ADGRB3: variants seen among roughly 807,000 people sequenced by gnomAD.
ADGRB3 encodes adhesion G protein-coupled receptor B3, also known as brain-specific angiogenesis inhibitor 3.
ADGRB3 carries 37 observed loss-of-function variants against 193.4 expected under a neutral mutation model. The ratio of observed to expected loss-of-function variants is 0.19; its 90% confidence interval spans 0.15 to 0.25. ADGRB3 has a LOEUF of 0.25. Ranked by LOEUF, ADGRB3 falls within the 10% of genes least tolerant of loss-of-function variation. The probability of loss-of-function intolerance (pLI) is 1.00; values close to 1 mark genes in which losing one functional copy is unlikely to be tolerated. For synonymous variants in ADGRB3, 690 were observed against 644.2 expected, an observed-to-expected ratio of 1.07 and a Z score of -1.08; for missense variants, 1,637 against 1,852.9, an observed-to-expected ratio of 0.88 and a Z score of 2.14.
chr6:69,343,372 C>T (rs1485776231), intron 26 of ADGRB3, among the ~76,000 whole-genome samples: 1 of 137,630 alleles, frequency 7.3e-6, no homozygotes, highest in Non-Finnish European at 1.5e-5. Context: ...GTGTGATATT[C>T]CCCTTCCTGT....
chr6:68,806,649 A>G (rs1173364420), intron 3 of ADGRB3, among the ~76,000 whole-genome samples: 3 of 151,618 alleles, frequency 2.0e-5, no homozygotes, highest in Non-Finnish European at 2.9e-5. Context: ...ATAAATATAT[A>G]TTAAGTAAAT....
At chr6:68,888,909 T>G (rs1765990870) in intron 3 of ADGRB3, among the ~76,000 whole-genome samples, 1 of 152,188 alleles carries the variant, frequency 6.6e-6, no homozygotes, top group Admixed American at 6.5e-5. Context: ...ACTTCTTTAC[T>G]TTTCTATTTT....
intron 13 of ADGRB3, among the ~76,000 whole-genome samples, 179 bp from the exon 14 acceptor site, chr6:69,048,006 T>G (rs934500305): frequency 1.3e-5 from 2 of 152,174 alleles, no homozygotes; most frequent in Non-Finnish European, 2.9e-5. Context: ...ATAAGTAAAA[T>G]TCAGCAACTT....
intron 15 of ADGRB3, among the ~76,000 whole-genome samples, chr6:69,059,737 T>G (rs1771666123): frequency 6.6e-6 from 1 of 152,120 alleles, no homozygotes; most frequent in Non-Finnish European, 1.5e-5. Flanking sequence ...TAAAGACAAT[T>G]TTGTACACTA....
At chr6:68,792,328 A>G (rs1194603415) in intron 3 of ADGRB3, among the ~76,000 whole-genome samples, 1 of 152,208 alleles carries the variant, frequency 6.6e-6, no homozygotes, top group East Asian at 1.9e-4. Flanking sequence ...AACAGTAGAG[A>G]AGTCATCTGG....
intron 3 of ADGRB3, among the ~76,000 whole-genome samples, chr6:68,791,049 T>TACAA (rs558613597): frequency 1.0e-5 from 1 of 97,346 alleles, no homozygotes. Context: ...CCACATCTCT[T>TACAA]AAAAAAAAAA....
intron 11 of ADGRB3, among the ~76,000 whole-genome samples, chr6:69,013,303 A>G (rs1277777118): frequency 6.6e-6 from 1 of 152,138 alleles, no homozygotes; most frequent in Non-Finnish European, 1.5e-5. Context: ...TGCATGAAAG[A>G]AAAACCAGAA....
At chr6:68,830,276 G>T (rs1371551487) in intron 3 of ADGRB3, among the ~76,000 whole-genome samples, 1 of 152,100 alleles carries the variant, frequency 6.6e-6, no homozygotes, top group Non-Finnish European at 1.5e-5. Flanking sequence ...TAAAATGCTA[G>T]ATCAAGGGGA....
chr6:69,104,196 C>T (rs1452729040), intron 17 of ADGRB3, among the ~76,000 whole-genome samples: 3 of 132,802 alleles, frequency 2.3e-5, no homozygotes, highest in Admixed American at 8.0e-5. Flanking sequence ...CTCCCCCGAC[C>T]CCACAACAGT....
At chr6:68,657,390 C>A (rs1485284756) in intron 3 of ADGRB3, among the ~76,000 whole-genome samples, 1 of 151,330 alleles carries the variant, frequency 6.6e-6, no homozygotes, top group Non-Finnish European at 1.5e-5. Context: ...TTAAAGAATG[C>A]AAATGAGGTA....
chr6:69,186,441 C>T (rs559423483), intron 17 of ADGRB3, among the ~76,000 whole-genome samples: 1 of 151,906 alleles, frequency 6.6e-6, no homozygotes, highest in East Asian at 1.9e-4. Context: ...AGCCTTCCCT[C>T]CCCACCCAGC....
At chr6:69,278,554 C>A (rs1767351992) in intron 20 of ADGRB3, among the ~76,000 whole-genome samples, 1 of 152,132 alleles carries the variant, frequency 6.6e-6, no homozygotes, top group African/African-American at 2.4e-5. Flanking sequence ...TGATAGCTAA[C>A]CTAAGCATAA....
At chr6:69,328,705 T>C (rs1768640241) in intron 22 of ADGRB3, among the ~76,000 whole-genome samples, 1 of 152,186 alleles carries the variant, frequency 6.6e-6, no homozygotes, top group Non-Finnish European at 1.5e-5. Context: ...TTCACCTGTT[T>C]ATCCTAAAGA....
intron 13 of ADGRB3, among the ~76,000 whole-genome samples, chr6:69,039,742 C>CTTTTTT (rs34543678): frequency 7.7e-6 from 1 of 130,238 alleles, no homozygotes. Flanking sequence ...TTGTTTTTTT[C>CTTTTTT]TTTTTTTTTT....
intron 3 of ADGRB3, among the ~76,000 whole-genome samples, chr6:68,743,860 A>G (rs1170003154): frequency 1.3e-5 from 2 of 152,156 alleles, no homozygotes; most frequent in East Asian, 1.9e-4. Context: ...ATTAAGAATC[A>G]TAGCGCTAAT....
At chr6:68,673,403 G>T (rs1769013201) in intron 3 of ADGRB3, among the ~76,000 whole-genome samples, 1 of 152,074 alleles carries the variant, frequency 6.6e-6, no homozygotes, top group South Asian at 2.1e-4. Flanking sequence ...AATATGTACA[G>T]CAGTGTGTGG....
chr6:69,044,003 T>A (rs946325913), intron 13 of ADGRB3, among the ~76,000 whole-genome samples: 2 of 152,116 alleles, frequency 1.3e-5, no homozygotes, highest in Non-Finnish European at 1.5e-5. Context: ...ATGGCGCCAG[T>A]GCATTCCAGC....
intron 3 of ADGRB3, among the ~76,000 whole-genome samples, chr6:68,846,066 A>G (rs1768268874): frequency 6.6e-6 from 1 of 152,196 alleles, no homozygotes; most frequent in Non-Finnish European, 1.5e-5. Context: ...AACCTCTCGG[A>G]AGCTAGAGTA....
At chr6:68,757,490 A>G (rs1170235948) in intron 3 of ADGRB3, among the ~76,000 whole-genome samples, 1 of 152,068 alleles carries the variant, frequency 6.6e-6, no homozygotes, top group Non-Finnish European at 1.5e-5. Context: ...CTACCAGACT[A>G]TTGATTTGAT....
Sources: gnomAD v4.1 joint callset for allele counts (sites outside exome capture counted in the v4.1 genomes callset) on GRCh38, gnomAD v4.1.1 for gene constraint, MANE v1.5 for transcripts, NCBI Gene and HGNC (gene_info 2026-07-23, HGNC 2026-07-21) for gene names.